The following EFHC1 variants were observed in gnomAD, a reference collection of about 807,000 sequenced individuals.
The protein encoded by EFHC1 is EF-hand domain containing 1, also known as EF-hand domain-containing protein 1.
Under a neutral mutation model 69.9 loss-of-function variants are expected in EFHC1, and 53 were observed. That is an observed-to-expected ratio of 0.76 (90% CI 0.61 to 0.95). The LOEUF (loss-of-function observed/expected upper bound fraction) is 0.95, where lower values mean the gene tolerates loss of function less well. EFHC1 is among the 40% of genes least tolerant of loss of function. The pLI is 0.00. For missense variants in EFHC1, 739 were observed against 798.7 expected (o/e 0.93, Z 0.90); for synonymous variants, 256 against 278.4 (o/e 0.92, Z 0.80).
intron 7 of EFHC1, 116 bp downstream of exon 7, chr6:52,469,589 C>A: frequency 1.4e-6 from 2 of 1,450,576 alleles, no homozygotes; most frequent in South Asian, 1.2e-5. Flanking sequence ...TTGACTCAAC[C>A]AACCATTGTA....
At chr6:52,445,719 A>G (rs1764769280) in intron 3 of EFHC1, among the ~76,000 whole-genome samples, 1 of 152,164 alleles carries the variant, frequency 6.6e-6, no homozygotes, top group Non-Finnish European at 1.5e-5. Flanking sequence ...TTCCTTCTAC[A>G]CACTGCTTTA....
At chr6:52,479,491 T>C (rs555418851) in intron 8 of EFHC1, 149 bp from the exon 9 acceptor site, 2 of 1,233,246 alleles carry the variant, frequency 1.6e-6, no homozygotes, top group South Asian at 2.5e-5. Flanking sequence ...AGCAAACGAC[T>C]GCATATTAGT....
intron 10 of EFHC1, among the ~76,000 whole-genome samples, chr6:52,491,413 G>C (rs1188106876): frequency 1.3e-5 from 2 of 152,216 alleles, no homozygotes; most frequent in African/African-American, 4.8e-5. Context: ...AAGGGACACA[G>C]GTTGAGCAGT....
At chr6:52,453,487 T>TA (rs2113994956) in intron 4 of EFHC1, 1 of 1,287,164 alleles carries the variant, frequency 7.8e-7, no homozygotes, top group African/African-American at 1.5e-5. Context: ...TTTAGACATT[T>TA]AACCCCTTTT....
chr6:52,448,749 C>A (rs1179178327), intron 3 of EFHC1, among the ~76,000 whole-genome samples: 1 of 152,098 alleles, frequency 6.6e-6, no homozygotes, highest in African/African-American at 2.4e-5. Context: ...TACCCAAAGT[C>A]TTTTATATAG....
intron 2 of EFHC1, among the ~76,000 whole-genome samples, chr6:52,434,797 A>G (rs1764494396): frequency 6.6e-6 from 1 of 152,072 alleles, no homozygotes; most frequent in Admixed American, 6.5e-5. Context: ...CAGAACTCTT[A>G]ATTCTGTTCT....
Position 52,438,424 on chromosome 6 carries a change from C to G in EFHC1, c.406C>G (p.Pro136Ala). 2 of 1,613,980 alleles carry G rather than the reference C, an allele frequency of 1.2e-6. No individual in the cohort carries two copies. Among genetic ancestry groups the G allele is most frequent in the Non-Finnish European group, 1.7e-6 (2 of 1,179,968 alleles). The change falls in exon 3 of 11, where the codon CCT becomes GCT. Residue 136 changes from proline (P) to alanine (A), a missense_variant. By Grantham distance (27) the Pro-to-Ala change is conservative. Coordinates refer to ENST00000371068, the MANE Select transcript of EFHC1 (RefSeq NM_018100.4). Reference sequence around the variant, plus strand: ...AGATGACAGCATGTCTGTCATAGAGCCTGTTGTAGAAAATTCTGGAATCCT... The same window carrying G: ...AGATGACAGCATGTCTGTCATAGAGGCTGTTGTAGAAAATTCTGGAATCCT... Reference protein sequence around the residue: ...LEDDSMSVIEPVVENSGILQG... With the variant: ...LEDDSMSVIEAVVENSGILQG...
At chr6:52,426,571 A>G (rs1439316411) in intron 2 of EFHC1, among the ~76,000 whole-genome samples, 8 of 152,142 alleles carry the variant, frequency 5.3e-5, no homozygotes, top group Admixed American at 1.3e-4. Context: ...CTCTGACATC[A>G]TTGAGACTCC....
intron 10 of EFHC1, 28 bp from the exon 11 acceptor site, chr6:52,492,242 T>C (rs770544401): frequency 6.2e-7 from 1 of 1,604,878 alleles, no homozygotes. Flanking sequence ...CAGATCTGTC[T>C]CACCTATTCT....
intron 5 of EFHC1, among the ~76,000 whole-genome samples, chr6:52,456,428 G>C (rs562575880): frequency 1.3e-5 from 2 of 152,172 alleles, no homozygotes; most frequent in East Asian, 3.9e-4. Context: ...ATATATTCAG[G>C]GTGGCATGAA....
At chr6:52,465,558 G>A (rs377629580) in intron 6 of EFHC1, among the ~76,000 whole-genome samples, 9 of 152,028 alleles carry the variant, frequency 5.9e-5, no homozygotes, top group South Asian at 2.1e-4. Flanking sequence ...CTGTAATCCA[G>A]CACTTTGGGA....
Position 52,493,011 on chromosome 6 carries a change from C to A in EFHC1, c.*670C>A, listed in dbSNP as rs1207601306. On this transcript the variant is annotated 3_prime_UTR_variant, in exon 11 of 11. Coordinates refer to ENST00000371068, the MANE Select transcript of EFHC1 (RefSeq NM_018100.4). ...GACTAAGTAAAACAGATAGTCCTCCCTAATGTGGGTGGGCCTCCTCCAATC... is the reference window on the plus strand; with the variant it reads ...GACTAAGTAAAACAGATAGTCCTCCATAATGTGGGTGGGCCTCCTCCAATC... 2.2e-6 allele frequency: 1 copy of A among 454,044 alleles called. No individual in the cohort carries two copies. Among genetic ancestry groups the A allele is most frequent in the Non-Finnish European group, 4.4e-6 (1 of 226,782 alleles). The allele number at this position is 454,044 out of a possible 1,614,324, so 28.1% of individuals were successfully genotyped here. A position where few individuals can be genotyped will look rare whatever the true frequency, so the allele number is the denominator to read the frequency against.
intron 6 of EFHC1, chr6:52,468,867 G>A (rs1463237758): frequency 2.2e-5 from 4 of 181,332 alleles, no homozygotes; most frequent in Non-Finnish European, 3.5e-5. Flanking sequence ...CAAGTAGTAC[G>A]CCGTAGACAA....
At chr6:52,479,607 A>G in intron 8 of EFHC1, 33 bp from the exon 9 acceptor site, 1 of 1,614,148 alleles carries the variant, frequency 6.2e-7, no homozygotes, top group Non-Finnish European at 8.5e-7. Context: ...AGAGAACATC[A>G]CCAAGCTAAG....
chr6:52,445,553 A>G (rs1342019413), intron 3 of EFHC1, among the ~76,000 whole-genome samples: 2 of 146,448 alleles, frequency 1.4e-5, no homozygotes, highest in Admixed American at 1.4e-4. Flanking sequence ...TTGTGTCTCT[A>G]TCTCCTTCAG....
At position 52,496,198 on chromosome 6, in the gene EFHC1, ACACACACACC is replaced by A. The variant is rs908981286; in HGVS notation, c.*3867_*3876del. The A allele has an allele frequency of 3.2e-4, 36 of 111,234 alleles. No individual in the cohort carries two copies. The highest frequency in any genetic ancestry group is 7.2e-4 in the South Asian group (3 of 4,158). 6.9% of individuals were successfully genotyped at this position (111,234 alleles called of 1,614,324 possible). On this transcript the variant is annotated 3_prime_UTR_variant, in exon 11 of 11. Transcript: ENST00000371068. ...CCAGGGAGTTGAAAGATTCTAATACACACACACACCCACACACACACACACACAAAGAGAG... is the reference window on the plus strand; with the variant it reads ...CCAGGGAGTTGAAAGATTCTAATACACACACACACACACACACAAAGAGAG...
intron 3 of EFHC1, among the ~76,000 whole-genome samples, chr6:52,439,739 A>C (rs1274421911): frequency 2.6e-5 from 4 of 152,108 alleles, no homozygotes; most frequent in Non-Finnish European, 5.9e-5. Flanking sequence ...GCCTGAAGGA[A>C]GTAAAGAAAG....
chr6:52,448,193 G>A (rs1374873978), intron 3 of EFHC1, among the ~76,000 whole-genome samples: 1 of 152,226 alleles, frequency 6.6e-6, no homozygotes, highest in Non-Finnish European at 1.5e-5. Flanking sequence ...AGGCAGGCAG[G>A]CCTCCTTGAG....
At chr6:52,475,824 T>C (rs1765534189) in intron 7 of EFHC1, among the ~76,000 whole-genome samples, 1 of 152,252 alleles carries the variant, frequency 6.6e-6, no homozygotes, top group Admixed American at 6.5e-5. Flanking sequence ...TTTGCTCTCA[T>C]GGAGCTTACA....
Sources: gnomAD v4.1 joint callset for allele counts (sites outside exome capture counted in the v4.1 genomes callset) on GRCh38, gnomAD v4.1.1 for gene constraint, MANE v1.5 for transcripts, NCBI Gene and HGNC (gene_info 2026-07-23, HGNC 2026-07-21) for gene names.